Variants in RSU1 observed in about 807,000 individuals in gnomAD.
RSU1 encodes the protein rsu-1.
A neutral mutation model predicts 31.1 loss-of-function variants in RSU1; 26 were observed. The observed-to-expected ratio is 0.84, with a 90% CI of 0.61 to 1.16. The LOEUF is 1.16. Among genes scored for constraint, RSU1 ranks in the 50% most tolerant of loss-of-function variants. The probability of loss-of-function intolerance (pLI) is 0.00; values close to 1 mark genes in which losing one functional copy is unlikely to be tolerated. For synonymous variants in RSU1, 164 were observed against 136.3 expected, an observed-to-expected ratio of 1.20 and a Z score of -1.41; for missense variants, 320 against 339.1, an observed-to-expected ratio of 0.94 and a Z score of 0.44.
chr10:16,722,631 G>T (rs573834685), intron 7 of RSU1, among the ~76,000 whole-genome samples: 1 of 152,080 alleles, frequency 6.6e-6, no homozygotes, highest in African/African-American at 2.4e-5. Flanking sequence ...CAAAATTAAA[G>T]TTAAGGATAT....
intron 8 of RSU1, among the ~76,000 whole-genome samples, chr10:16,600,252 C>T (rs1255244326): frequency 1.3e-5 from 2 of 152,226 alleles, no homozygotes; most frequent in South Asian, 2.1e-4. Flanking sequence ...CAAATGCCAA[C>T]GTGGGAGTGG....
chr10:16,758,398 C>A (rs1219887937), intron 4 of RSU1, among the ~76,000 whole-genome samples: 1 of 152,182 alleles, frequency 6.6e-6, no homozygotes, highest in Non-Finnish European at 1.5e-5. Flanking sequence ...CATTTTGACA[C>A]ATAGGAATTC....
In RSU1 at chr10:16,613,808, A is replaced by C. The variant is rs951717509; in HGVS notation, c.732-20312T>G. 9.9e-5 allele frequency among the ~76,000 whole-genome samples: 15 copies of C among 152,134 alleles called. No homozygotes were observed. In the East Asian group the frequency reaches 1.9e-3, roughly 20 times the overall value. On this transcript the variant is annotated intron_variant, in intron 8 of 8. Coordinates refer to ENST00000345264, the MANE Select transcript of RSU1 (RefSeq NM_012425.4). ...ATGTCTACAGCTCTTTAAAAAAAAA[A>C]AAAACAAAAAAAACAAACCTTTCCC...
chr10:16,797,838 T>C (rs1838071437), intron 2 of RSU1, among the ~76,000 whole-genome samples: 1 of 149,374 alleles, frequency 6.7e-6, no homozygotes, highest in Non-Finnish European at 1.5e-5. Context: ...GAAACAGAAG[T>C]TAAAGTGGGG....
At chr10:16,616,395 A>C (rs918815240) in intron 8 of RSU1, among the ~76,000 whole-genome samples, 3 of 143,700 alleles carry the variant, frequency 2.1e-5, no homozygotes, top group Admixed American at 6.8e-5. Context: ...AAAAAAAAAA[A>C]CCCCAGGACC....
intron 2 of RSU1, among the ~76,000 whole-genome samples, chr10:16,792,058 T>G (rs1325066490): frequency 3.3e-5 from 5 of 152,164 alleles, no homozygotes; most frequent in Admixed American, 6.5e-5. Context: ...CAAAATGATA[T>G]GGAACTTGGA....
intron 8 of RSU1, among the ~76,000 whole-genome samples, chr10:16,594,202 CTG>C (rs1400388928): frequency 6.6e-6 from 1 of 152,064 alleles, no homozygotes; most frequent in African/African-American, 2.4e-5. Flanking sequence ...ATTGATATAA[CTG>C]TGTCTCCAAG....
At chr10:16,727,044 G>A (rs1187664623) in intron 7 of RSU1, 7 of 456,364 alleles carry the variant, frequency 1.5e-5, no homozygotes, top group Non-Finnish European at 2.6e-5. Context: ...AAGTTAATGA[G>A]GGAAGAGTTT....
intron 3 of RSU1, among the ~76,000 whole-genome samples, chr10:16,765,016 A>G (rs549698169): frequency 6.9e-4 from 105 of 152,318 alleles, no homozygotes; most frequent in Non-Finnish European, 1.2e-3. Context: ...AAAATGCACA[A>G]AAGAGAATTT....
chr10:16,702,890 C>A (rs899692590), intron 7 of RSU1, among the ~76,000 whole-genome samples: 1 of 152,148 alleles, frequency 6.6e-6, no homozygotes, highest in South Asian at 2.1e-4. Flanking sequence ...TGCAACCCTG[C>A]CCAAGTCACA....
chr10:16,611,795 C>A (rs1394776853), intron 8 of RSU1, among the ~76,000 whole-genome samples: 1 of 152,162 alleles, frequency 6.6e-6, no homozygotes, highest in Non-Finnish European at 1.5e-5. Flanking sequence ...GACTTACTAT[C>A]CAGGCTGCTT....
chr10:16,752,856 T>C (rs1837007510), intron 6 of RSU1, 62 bp downstream of exon 6: 50 of 1,433,428 alleles, frequency 3.5e-5, no homozygotes, highest in Non-Finnish European at 4.8e-5. Context: ...ATTGACTTGA[T>C]TCTACCCCTA....
chr10:16,650,686 TCTC>T (rs1372790160), intron 8 of RSU1, among the ~76,000 whole-genome samples: 1 of 150,126 alleles, frequency 6.7e-6, no homozygotes, highest in African/African-American at 2.5e-5. Flanking sequence ...TTCACGCCAT[TCTC>T]CTGCCTCAGC....
intron 8 of RSU1, among the ~76,000 whole-genome samples, chr10:16,690,406 G>A (rs1479297458): frequency 6.6e-6 from 1 of 152,122 alleles, no homozygotes; most frequent in East Asian, 1.9e-4. Context: ...GAAAGATGAA[G>A]AGACAGCAGC....
intron 8 of RSU1, among the ~76,000 whole-genome samples, chr10:16,649,452 T>C (rs554250865): frequency 3.3e-5 from 5 of 152,238 alleles, no homozygotes; most frequent in Non-Finnish European, 7.4e-5. Context: ...TCCTAAGAGG[T>C]ACTCGAAATC....
At chr10:16,633,671 G>A (rs1834293917) in intron 8 of RSU1, among the ~76,000 whole-genome samples, 1 of 152,150 alleles carries the variant, frequency 6.6e-6, no homozygotes, top group South Asian at 2.1e-4. Context: ...AGCTCAGGGA[G>A]GCCGTGAAAA....
chr10:16,716,249 G>T (rs1239650304), intron 7 of RSU1, among the ~76,000 whole-genome samples: 1 of 152,214 alleles, frequency 6.6e-6, no homozygotes, highest in Non-Finnish European at 1.5e-5. Flanking sequence ...GGGTGCCAGG[G>T]CCAGGGCATA....
intron 4 of RSU1, among the ~76,000 whole-genome samples, chr10:16,761,451 T>C (rs1285060973): frequency 3.9e-5 from 6 of 152,170 alleles, no homozygotes; most frequent in African/African-American, 1.4e-4. Context: ...CAGGATTCCC[T>C]GTCTAGCCTG....
intron 7 of RSU1, among the ~76,000 whole-genome samples, chr10:16,722,700 G>A (rs546152547): frequency 1.4e-4 from 22 of 151,996 alleles, no homozygotes; most frequent in Middle Eastern, 3.4e-3. Context: ...GACAATAGAG[G>A]TTAGAGAAAA....
Sources: allele counts gnomAD v4.1 joint callset (sites outside exome capture counted in the v4.1 genomes callset), GRCh38; gene constraint gnomAD v4.1.1; transcripts MANE v1.5; gene names NCBI Gene and HGNC (gene_info 2026-07-23, HGNC 2026-07-21).